CDH20: variants seen among roughly 807,000 people sequenced by gnomAD.
The protein encoded by CDH20 is cadherin 20.
A neutral mutation model predicts 74.2 loss-of-function variants in CDH20; 29 were observed. The observed-to-expected ratio is 0.39, with a 90% CI of 0.29 to 0.53. CDH20 has a LOEUF of 0.53. Among genes scored for constraint, CDH20 ranks in the 20% least tolerant of loss-of-function variants. CDH20 has a pLI of 0.69. For missense variants in CDH20, 988 were observed against 1,048.3 expected, an observed-to-expected ratio of 0.94 and a Z score of 0.79; for synonymous variants, 469 against 405.4, an observed-to-expected ratio of 1.16 and a Z score of -1.88.
At chr18:61,532,354 G>A (rs1002149849) in intron 7 of CDH20, among the ~76,000 whole-genome samples, 1 of 151,984 alleles carries the variant, frequency 6.6e-6, no homozygotes, top group Non-Finnish European at 1.5e-5. Flanking sequence ...TAACTCTTAG[G>A]GAGTCATAAC....
At chr18:61,383,119 G>T (rs919970427) in intron 1 of CDH20, among the ~76,000 whole-genome samples, 7 of 152,146 alleles carry the variant, frequency 4.6e-5, no homozygotes, top group African/African-American at 1.7e-4. Flanking sequence ...TTAGAACAGT[G>T]CTGGACCCAT....
At chr18:61,374,219 C>A (rs1344321345) in intron 1 of CDH20, among the ~76,000 whole-genome samples, 1 of 152,046 alleles carries the variant, frequency 6.6e-6, no homozygotes, top group Non-Finnish European at 1.5e-5. Flanking sequence ...GTATGAAACG[C>A]CTTAATTGAG....
chr18:61,450,565 A>G (rs1236637210), intron 1 of CDH20, among the ~76,000 whole-genome samples: 2 of 152,058 alleles, frequency 1.3e-5, no homozygotes, highest in Non-Finnish European at 2.9e-5. Flanking sequence ...TTTACTAAAA[A>G]GAACTTTTTT....
chr18:61,401,992 A>G (rs1912170364), intron 1 of CDH20, among the ~76,000 whole-genome samples: 1 of 152,214 alleles, frequency 6.6e-6, no homozygotes, highest in African/African-American at 2.4e-5. Flanking sequence ...TATCAAATAT[A>G]ATTGAGGGAA....
At chr18:61,483,128 T>C (rs1293084319) in intron 1 of CDH20, among the ~76,000 whole-genome samples, 2 of 152,222 alleles carry the variant, frequency 1.3e-5, no homozygotes, top group Non-Finnish European at 2.9e-5. Context: ...TTCTCCCTTT[T>C]CTGATCTGGC....
intron 1 of CDH20, 94 bp downstream of exon 1, chr18:61,333,921 T>C (rs116675996): frequency 0.08 from 12,238 of 152,262 alleles, 541 homozygotes; most frequent in Middle Eastern, 0.15. Context: ...CCGGGCGGCG[T>C]GCGCGGTCCC....
chr18:61,512,799 G>A, intron 6 of CDH20, among the ~76,000 whole-genome samples: 1 of 152,082 alleles, frequency 6.6e-6, no homozygotes, highest in Non-Finnish European at 1.5e-5. Context: ...CAGTTTCCAT[G>A]TAGTTGAGCG....
chr18:61,378,693 T>C (rs1911331122), intron 1 of CDH20, among the ~76,000 whole-genome samples: 1 of 152,236 alleles, frequency 6.6e-6, no homozygotes, highest in Admixed American at 6.5e-5. Context: ...TTACGACTGG[T>C]GACTATTCTT....
At chr18:61,417,767 A>G (rs1047144931) in intron 1 of CDH20, among the ~76,000 whole-genome samples, 1 of 152,080 alleles carries the variant, frequency 6.6e-6, no homozygotes, top group Non-Finnish European at 1.5e-5. Context: ...ACTATAGTCA[A>G]CAATAATTTT....
At chr18:61,512,051 A>G (rs1911801273) in intron 6 of CDH20, among the ~76,000 whole-genome samples, 1 of 152,206 alleles carries the variant, frequency 6.6e-6, no homozygotes, top group Admixed American at 6.5e-5. Flanking sequence ...ATGTCATATA[A>G]AATTGAAACA....
intron 1 of CDH20, among the ~76,000 whole-genome samples, chr18:61,342,608 C>T (rs1259976508): frequency 1.3e-5 from 2 of 152,190 alleles, no homozygotes; most frequent in Admixed American, 1.3e-4. Context: ...TCACTAGATA[C>T]CAATAATATC....
intron 1 of CDH20, among the ~76,000 whole-genome samples, chr18:61,384,465 T>G (rs1441414350): frequency 6.6e-6 from 1 of 152,194 alleles, no homozygotes; most frequent in Non-Finnish European, 1.5e-5. Context: ...TGTCTTACAA[T>G]GTAGCATCTT....
chr18:61,490,935 T>TA (rs2144297510), intron 2 of CDH20, 136 bp downstream of exon 2: 1 of 886,248 alleles, frequency 1.1e-6, no homozygotes, highest in South Asian at 1.6e-5. Context: ...GACACCTAGC[T>TA]AAAATGTAAC....
At chr18:61,335,958 TCA>T (rs1378518685) in intron 1 of CDH20, among the ~76,000 whole-genome samples, 1 of 152,232 alleles carries the variant, frequency 6.6e-6, no homozygotes, top group Admixed American at 6.5e-5. Context: ...GGAAATTTAA[TCA>T]GTGTTTATAC....
rs768110003 is a variant in CDH20 at position 61,554,287 on chromosome 18, C to T, written c.1998C>T (p.Asp666=). Residue 666 remains aspartate, a synonymous_variant, in exon 12 of 12, where the codon GAC becomes GAT. Coordinates refer to ENST00000262717, the MANE Select transcript of CDH20 (RefSeq NM_031891.4). ...TCCACGAGAACATCGTCCGCTACGA[C>T]GACGAGGGCGGCGGCGAGGAGGACA... ...ENIHENIVRY[D]DEGGGEEDTE... 1.2e-6 allele frequency: 2 copies of T among 1,613,968 alleles called. No homozygotes were observed. Among genetic ancestry groups the T allele is most frequent in the Non-Finnish European group, 1.7e-6 (2 of 1,180,010 alleles).
chr18:61,447,458 T>A (rs1340309757), intron 1 of CDH20, among the ~76,000 whole-genome samples: 2 of 152,144 alleles, frequency 1.3e-5, no homozygotes, highest in Non-Finnish European at 2.9e-5. Flanking sequence ...CATCAAGAGA[T>A]CTAAGAGAAA....
At chr18:61,472,466 A>G (rs1599108694) in intron 1 of CDH20, among the ~76,000 whole-genome samples, 2 of 152,202 alleles carry the variant, frequency 1.3e-5, no homozygotes, top group South Asian at 4.1e-4. Context: ...TTGTCCTGAC[A>G]TACAGTGGGA....
intron 1 of CDH20, among the ~76,000 whole-genome samples, chr18:61,409,883 A>G (rs1170609816): frequency 6.6e-6 from 1 of 152,132 alleles, no homozygotes; most frequent in Non-Finnish European, 1.5e-5. Context: ...CCTGTTGCCT[A>G]TGACAGTGAC....
chr18:61,339,166 T>C (rs898660517), intron 1 of CDH20, among the ~76,000 whole-genome samples: 1 of 152,120 alleles, frequency 6.6e-6, no homozygotes, highest in Non-Finnish European at 1.5e-5. Flanking sequence ...AATGGGTTTT[T>C]TTCTTAAGTT....
Sources: allele counts gnomAD v4.1 joint callset (sites outside exome capture counted in the v4.1 genomes callset), GRCh38; gene constraint gnomAD v4.1.1; transcripts MANE v1.5; gene names NCBI Gene and HGNC (gene_info 2026-07-23, HGNC 2026-07-21).